The following MYO7A variants were observed in gnomAD, a reference collection of about 807,000 sequenced individuals.
MYO7A encodes unconventional myosin-VIIa.
A neutral mutation model predicts 263.8 loss-of-function variants in MYO7A; 210 were observed. The ratio of observed to expected loss-of-function variants is 0.80; its 90% CI spans 0.71 to 0.89. The LOEUF is 0.89. Among genes scored for constraint, MYO7A ranks in the 40% least tolerant of loss-of-function variants. MYO7A has a pLI of 0.00. For missense variants in MYO7A, 2,820 were observed against 2,968.3 expected, an observed-to-expected ratio of 0.95 and a Z score of 1.16; for synonymous variants, 1,239 against 1,197.3, an observed-to-expected ratio of 1.03 and a Z score of -0.72.
chr11:77,164,642 TG>T (rs1394660547), intron 14 of MYO7A, among the ~76,000 whole-genome samples: 2 of 152,220 alleles, frequency 1.3e-5, no homozygotes, highest in African/African-American at 4.8e-5. Flanking sequence ...GCAAACAAAT[TG>T]GTCTTTCATT....
At chr11:77,209,870 GGCCGTGGCCC>G (rs1473846872) in intron 44 of MYO7A, among the ~76,000 whole-genome samples, 125 of 152,318 alleles carry the variant, frequency 8.2e-4, no homozygotes, top group African/African-American at 2.9e-3. Flanking sequence ...CCCCCGTCCT[GGCCGTGGCCC>G]TGCCTGGTGG....
At chr11:77,147,646 C>T (rs967311809) in intron 3 of MYO7A, among the ~76,000 whole-genome samples, 152 bp from the exon 4 acceptor site, 3 of 152,138 alleles carry the variant, frequency 2.0e-5, no homozygotes, top group Admixed American at 6.5e-5. Flanking sequence ...CTGACTGAAC[C>T]CTGTTAGAAC....
chr11:77,186,668 C>T (rs1955669014), intron 27 of MYO7A, among the ~76,000 whole-genome samples: 1 of 152,194 alleles, frequency 6.6e-6, no homozygotes, highest in Non-Finnish European at 1.5e-5. Context: ...TAGGCTTTGG[C>T]TTAAGGGAAT....
At position 77,158,323 on chromosome 11, in the gene MYO7A, C is replaced by G; in HGVS notation, c.896C>G (p.Ala299Gly). ...CEGRVDSQEYANIRSAMKVLM... is the reference protein window; with the variant it reads ...CEGRVDSQEYGNIRSAMKVLM... ...GGCCGGGTGGACAGCCAGGAGTACGCCAACATCCGCTCCGCCATGAAGGTG... is the reference window on the plus strand; with the variant it reads ...GGCCGGGTGGACAGCCAGGAGTACGGCAACATCCGCTCCGCCATGAAGGTG... The change falls in exon 9 of 49, where the codon GCC (alanine) becomes GGC (glycine). Residue 299 changes from alanine (A) to glycine (G), a missense_variant. Ala to Gly is a moderately conservative substitution (Grantham distance 60). Transcript: ENST00000409709. 16 of 1,612,826 alleles carry G rather than the reference C, an allele frequency of 9.9e-6. No homozygotes were observed. Among genetic ancestry groups the G allele is most frequent in the Non-Finnish European group, 1.3e-5 (15 of 1,179,320 alleles).
At chr11:77,163,053 C>A in intron 14 of MYO7A, 65 bp downstream of exon 14, 1 of 1,564,156 alleles carries the variant, frequency 6.4e-7, no homozygotes, top group Non-Finnish European at 8.8e-7. Context: ...TGCTCCAGCC[C>A]AGGAATAAGA....
chr11:77,149,761 T>G (rs112687617), intron 4 of MYO7A, among the ~76,000 whole-genome samples: 17 of 152,260 alleles, frequency 1.1e-4, no homozygotes, highest in African/African-American at 3.9e-4. Context: ...GCAGGGAGCC[T>G]TCTAGCACTG....
intron 19 of MYO7A, among the ~76,000 whole-genome samples, chr11:77,178,138 C>A (rs1227787646): frequency 6.6e-6 from 1 of 151,170 alleles, no homozygotes; most frequent in African/African-American, 2.4e-5. Flanking sequence ...TCTCTCCCTT[C>A]TTCCACTCGT....
In MYO7A at chr11:77,179,883, C is replaced by A; in HGVS notation, c.2516C>A (p.Ala839Asp). Residue 839 changes from alanine (A) to aspartate (D), a missense_variant, in exon 21 of 49, where the codon GCT (alanine) becomes GAT (aspartate). By Grantham distance (126) the Ala-to-Asp change is moderately radical. Coordinates refer to ENST00000409709, the MANE Select transcript of MYO7A (RefSeq NM_000260.4). ...VRKAFRHRLW[A>D]VLTVQAYARG... ...AAGGCCTTCCGCCACCGCCTCTGGG[C>A]TGTGCTCACCGTGCAGGCCTATGCC... 1 of 1,540,698 alleles carries A rather than the reference C, an allele frequency of 6.5e-7. No homozygotes were observed. The highest frequency in any genetic ancestry group is 8.7e-7 in the Non-Finnish European group (1 of 1,146,756).
chr11:77,173,586 C>T (rs1440370499), intron 16 of MYO7A, among the ~76,000 whole-genome samples: 2 of 152,146 alleles, frequency 1.3e-5, no homozygotes, highest in East Asian at 1.9e-4. Context: ...GCTGCGAGCC[C>T]TCTCCTTTCG....
chr11:77,184,397 G>A (rs1350847271), intron 26 of MYO7A, among the ~76,000 whole-genome samples, 191 bp from the exon 27 acceptor site: 1 of 152,216 alleles, frequency 6.6e-6, no homozygotes, highest in African/African-American at 2.4e-5. Context: ...TGCCCCTGCT[G>A]TGTGGGCCAG....
chr11:77,213,919 C>A lies in MYO7A; in HGVS notation c.6498C>A (p.Tyr2166Ter), dbSNP rs397516331. Residue 2166 changes from tyrosine to a stop codon, truncating the protein, a stop_gained, in exon 48 of 49, where the codon TAC becomes TAA. Transcript: ENST00000409709. LOFTEE classifies it high-confidence loss of function. ...KISNWSSGNT[Y>*]FHITIGNLVR... ...CCAACTGGAGCAGCGGCAACACCTA[C>A]TTCCACATCACCATTGGGAACTTGG... 1.9e-6 allele frequency: 3 copies of A among 1,613,976 alleles called. No homozygotes were observed. The African/African-American group carries it at 4.0e-5, about 22-fold the overall frequency.
intron 22 of MYO7A, 115 bp downstream of exon 22, chr11:77,180,596 G>GGAAGGAA: frequency 1.1e-6 from 1 of 895,508 alleles, no homozygotes; most frequent in Non-Finnish European, 1.7e-6. Context: ...CCTTCAGAAT[G>GGAAGGAA]GCCACACTAG....
intron 14 of MYO7A, 67 bp downstream of exon 14, chr11:77,163,055 G>A: frequency 2.0e-6 from 3 of 1,536,070 alleles, no homozygotes; most frequent in South Asian, 1.2e-5. Context: ...CTCCAGCCCA[G>A]GAATAAGATA....
Position 77,174,640 on chromosome 11 carries a change from C to T in MYO7A, c.1936-116C>T. ...CGGTGCCTGTCCCAGCTTTGCTCCT[C>T]CCATGCCGTGTGGACTTGGCCTTTC... On this transcript the variant is annotated intron_variant, in intron 16 of 48. Coordinates refer to ENST00000409709, the MANE Select transcript of MYO7A (RefSeq NM_000260.4). The T allele has an allele frequency of 1.8e-6, 2 of 1,101,750 alleles. 1 individual carries two copies. The highest frequency in any genetic ancestry group is 2.6e-6 in the Non-Finnish European group (2 of 772,494). 68.2% of individuals were successfully genotyped at this position (1,101,750 alleles called of 1,614,324 possible). A position where few individuals can be genotyped will look rare whatever the true frequency, so the allele number is the denominator to read the frequency against.
chr11:77,168,932 G>A (rs1555074317), intron 15 of MYO7A, among the ~76,000 whole-genome samples: 1 of 152,138 alleles, frequency 6.6e-6, no homozygotes, highest in African/African-American at 2.4e-5. Flanking sequence ...ATACAAGCGA[G>A]GGCTAAAGTG....
chr11:77,146,572 G>C (rs905847546), intron 3 of MYO7A, among the ~76,000 whole-genome samples: 61 of 152,262 alleles, frequency 4.0e-4, no homozygotes, highest in Admixed American at 2.6e-4. Context: ...GGTGGTGGTG[G>C]GGGGAGCTGA....
intron 2 of MYO7A, among the ~76,000 whole-genome samples, chr11:77,142,066 G>C (rs1203545163): frequency 3.3e-5 from 5 of 152,230 alleles, no homozygotes; most frequent in Non-Finnish European, 7.3e-5. Flanking sequence ...TCTGACTTGG[G>C]ATTTTACGTT....
At chr11:77,174,654 A>T (rs1954454094) in intron 16 of MYO7A, 102 bp from the exon 17 acceptor site, 2 of 1,260,652 alleles carry the variant, frequency 1.6e-6, no homozygotes, top group Non-Finnish European at 2.2e-6. Flanking sequence ...TGCCGTGTGG[A>T]CTTGGCCTTT....
At chr11:77,147,234 T>A (rs1290203618) in intron 3 of MYO7A, among the ~76,000 whole-genome samples, 25 of 150,966 alleles carry the variant, frequency 1.7e-4, no homozygotes, top group Non-Finnish European at 3.1e-4. Flanking sequence ...CTCCCCCTAA[T>A]CTTTTTACAG....
Sources: allele counts gnomAD v4.1 joint callset (sites outside exome capture counted in the v4.1 genomes callset), GRCh38; gene constraint gnomAD v4.1.1; transcripts MANE v1.5; gene names NCBI Gene and HGNC (gene_info 2026-07-23, HGNC 2026-07-21).